Variants in KIF18A observed in about 807,000 individuals in gnomAD.
KIF18A encodes the protein kinesin-like protein KIF18A.
A neutral mutation model predicts 103.3 loss-of-function variants in KIF18A; 67 were observed. That is an observed-to-expected ratio of 0.65 (90% CI 0.53 to 0.79). The LOEUF (loss-of-function observed/expected upper bound fraction) is 0.79. KIF18A is among the 30% of genes least tolerant of loss of function. KIF18A has a pLI of 0.00. For missense variants in KIF18A, 1,032 were observed against 1,062.5 expected, an observed-to-expected ratio of 0.97 and a Z score of 0.40; for synonymous variants, 367 against 355.5, an observed-to-expected ratio of 1.03 and a Z score of -0.36.
chr11:28,056,323 G>A (rs116950555), intron 13 of KIF18A, among the ~76,000 whole-genome samples: 230 of 151,698 alleles, frequency 1.5e-3, no homozygotes, highest in Non-Finnish European at 2.7e-3. Context: ...GAAATATAGC[G>A]ACTGAAATTA....
chr11:28,091,481 T>G lies in KIF18A; in HGVS notation c.516A>C (p.Val172=). 6.2e-7 allele frequency: 1 copy of G among 1,610,020 alleles called. No individual in the cohort carries two copies. Residue 172 remains valine (V), a synonymous_variant, in exon 4 of 17, where the codon GTA becomes GTC. Transcript: ENST00000263181. ...CCCGGACAGCAAGTGGCCCTGAATT[T>G]ACTAAGAGATCACGAATCTGTTCAT... ...VYNEQIRDLL[V]NSGPLAVRED...
chr11:28,103,081 G>A (rs900746854), intron 1 of KIF18A, among the ~76,000 whole-genome samples: 1 of 152,090 alleles, frequency 6.6e-6, no homozygotes, highest in Admixed American at 6.6e-5. Flanking sequence ...CCCCTAAGTG[G>A]TATTTACTGA....
chr11:28,028,888 A>T (rs1850357400), intron 15 of KIF18A, among the ~76,000 whole-genome samples: 1 of 152,180 alleles, frequency 6.6e-6, no homozygotes, highest in African/African-American at 2.4e-5. Context: ...CCATCAGAGA[A>T]TACTACAAAC....
At position 28,066,827 on chromosome 11, in the gene KIF18A, T is replaced by C. The variant is rs982925609; in HGVS notation, c.1590+2432A>G. Among the ~76,000 whole-genome samples the C allele has an allele frequency of 2.0e-5, 3 of 148,644 alleles. No individual in the cohort carries two copies. In the Admixed American group the frequency reaches 2.0e-4, roughly 10 times the overall value. ...TATTATATTATATTATATTATATTA[T>C]ATTATATGATGCAGTTAACTCTGTT... On this transcript the variant is annotated intron_variant, in intron 11 of 16. Coordinates refer to ENST00000263181, the MANE Select transcript of KIF18A (RefSeq NM_031217.4).
At chr11:28,090,038 CT>C (rs1464744542) in intron 5 of KIF18A, among the ~76,000 whole-genome samples, 1 of 152,138 alleles carries the variant, frequency 6.6e-6, no homozygotes, top group Non-Finnish European at 1.5e-5. Context: ...ATAACAATTT[CT>C]TTCTTATAAG....
intron 6 of KIF18A, among the ~76,000 whole-genome samples, chr11:28,086,207 A>T (rs555408258): frequency 2.2e-4 from 33 of 152,308 alleles, no homozygotes; most frequent in East Asian, 1.5e-3. Flanking sequence ...AAAAATTAAA[A>T]CACAAAAGTA....
intron 10 of KIF18A, among the ~76,000 whole-genome samples, chr11:28,075,360 T>A (rs1005408128): frequency 6.6e-6 from 1 of 152,180 alleles, no homozygotes; most frequent in African/African-American, 2.4e-5. Flanking sequence ...AAATGACTTG[T>A]ATTTTGGTTT....
intron 13 of KIF18A, among the ~76,000 whole-genome samples, chr11:28,042,551 A>T (rs1850574317): frequency 6.6e-6 from 1 of 151,990 alleles, no homozygotes; most frequent in South Asian, 2.1e-4. Context: ...CAAAATGCAA[A>T]CTTGTAATGA....
At chr11:28,069,178 CA>C in intron 11 of KIF18A, 80 bp downstream of exon 11, 2 of 1,063,174 alleles carry the variant, frequency 1.9e-6, no homozygotes, top group South Asian at 1.4e-5. Context: ...TTATGAAAGA[CA>C]TTTACTCAAT....
chr11:28,036,138 G>A (rs1387363542), intron 14 of KIF18A, 79 bp downstream of exon 14: 4 of 853,578 alleles, frequency 4.7e-6, no homozygotes, highest in Non-Finnish European at 7.0e-6. Context: ...TGGCACACTT[G>A]GTTTATGAAA....
chr11:28,091,126 A>C (rs973071841), intron 4 of KIF18A, among the ~76,000 whole-genome samples: 15 of 49,548 alleles, frequency 3.0e-4, no homozygotes, highest in Admixed American at 2.5e-3. Flanking sequence ...CGGTCACAAA[A>C]TAAATAAATA....
chr11:28,034,517 C>A (rs1465802714), intron 15 of KIF18A, among the ~76,000 whole-genome samples: 1 of 151,614 alleles, frequency 6.6e-6, no homozygotes, highest in Admixed American at 6.6e-5. Flanking sequence ...CCCTGAACTC[C>A]AATTTTTCTG....
At chr11:28,060,588 T>A (rs1297157384) in intron 12 of KIF18A, among the ~76,000 whole-genome samples, 1 of 152,178 alleles carries the variant, frequency 6.6e-6, no homozygotes, top group African/African-American at 2.4e-5. Flanking sequence ...AGGAAAGTTA[T>A]CATAGTAGGT....
At chr11:28,028,856 G>C (rs372396407) in intron 15 of KIF18A, among the ~76,000 whole-genome samples, 1 of 152,016 alleles carries the variant, frequency 6.6e-6, no homozygotes, top group East Asian at 1.9e-4. Flanking sequence ...TATCACCACC[G>C]ATCCCACAGA....
chr11:28,088,199 T>C (rs1851256064), intron 6 of KIF18A, among the ~76,000 whole-genome samples: 1 of 152,128 alleles, frequency 6.6e-6, no homozygotes, highest in African/African-American at 2.4e-5. Context: ...CCAATTTAAT[T>C]AACATGTTTG....
At chr11:28,067,563 A>G (rs1850950751) in intron 11 of KIF18A, among the ~76,000 whole-genome samples, 2 of 152,152 alleles carry the variant, frequency 1.3e-5, no homozygotes, top group South Asian at 4.1e-4. Flanking sequence ...GTATCTTTGA[A>G]TTATAAAAAA....
chr11:28,074,176 TAAAG>T (rs1357531551), intron 10 of KIF18A, among the ~76,000 whole-genome samples: 3 of 151,724 alleles, frequency 2.0e-5, no homozygotes, highest in African/African-American at 7.3e-5. Flanking sequence ...ACATAAAAAA[TAAAG>T]AAAAGAAGAA....
chr11:28,096,715 T>C (rs1055043169), intron 2 of KIF18A, among the ~76,000 whole-genome samples: 6 of 151,998 alleles, frequency 3.9e-5, no homozygotes, highest in Non-Finnish European at 8.8e-5. Context: ...AAAACTGAAA[T>C]GAATCAGGAA....
At chr11:28,104,318 G>GAATT (rs1851480123) in intron 1 of KIF18A, among the ~76,000 whole-genome samples, 1 of 152,118 alleles carries the variant, frequency 6.6e-6, no homozygotes, top group Non-Finnish European at 1.5e-5. Context: ...TCCACATATG[G>GAATT]CCCTGCCTAC....
Sources: gnomAD v4.1 joint callset for allele counts (sites outside exome capture counted in the v4.1 genomes callset) on GRCh38, gnomAD v4.1.1 for gene constraint, MANE v1.5 for transcripts, NCBI Gene and HGNC (gene_info 2026-07-23, HGNC 2026-07-21) for gene names.